The following SIM1 variants were observed in gnomAD, a reference collection of about 807,000 sequenced individuals.
The protein encoded by SIM1 is single-minded homolog 1.
In SIM1, 18 loss-of-function variants were observed where a neutral mutation model predicts 78.2. The observed-to-expected ratio is 0.23, with a 90% confidence interval of 0.16 to 0.34. The LOEUF is 0.34. Ranked by LOEUF, SIM1 falls within the 10% of genes least tolerant of loss-of-function variation. SIM1 has a pLI of 1.00. For synonymous variants in SIM1, 417 were observed against 385.2 expected, an observed-to-expected ratio of 1.08 and a Z score of -0.97; for missense variants, 939 against 975.1, an observed-to-expected ratio of 0.96 and a Z score of 0.49.
intron 9 of SIM1, among the ~76,000 whole-genome samples, chr6:100,429,256 G>T (rs537755606): frequency 6.6e-6 from 1 of 152,074 alleles, no homozygotes; most frequent in East Asian, 1.9e-4. Flanking sequence ...TGTAGTCCCA[G>T]CTACTTGAGG....
chr6:100,416,159 C>T (rs774996174), intron 10 of SIM1, among the ~76,000 whole-genome samples: 4 of 151,800 alleles, frequency 2.6e-5, no homozygotes, highest in Non-Finnish European at 4.4e-5. Context: ...TCTGACCTAA[C>T]TCAGCCAGAA....
At position 100,386,488 on chromosome 6, in the gene SIM1, C is replaced by T. The variant is rs913386042; in HGVS notation, c.*3873G>A. On this transcript the variant is annotated 3_prime_UTR_variant, in exon 12 of 12. Transcript: ENST00000369208. ...TCCATCAAACTTACTTGGTTTAGAT[C>T]TTGAGGGCGGAAATCTTGTATTTCA... The T allele has an allele frequency of 6.6e-6, 1 of 152,032 alleles. No homozygotes were observed. 9.4% of individuals were successfully genotyped at this position (152,032 alleles called of 1,614,324 possible).
At chr6:100,427,678 A>C (rs1323454929) in intron 9 of SIM1, among the ~76,000 whole-genome samples, 1 of 152,238 alleles carries the variant, frequency 6.6e-6, no homozygotes, top group East Asian at 1.9e-4. Flanking sequence ...AAACAAGTGG[A>C]AATATAGCTA....
rs537531610 is a variant in SIM1 at position 100,397,984 on chromosome 6, G to C, written c.1168-4095C>G. 7.9e-5 allele frequency among the ~76,000 whole-genome samples: 12 copies of C among 152,142 alleles called. No homozygotes were observed. The East Asian group carries it at 2.3e-3, about 29-fold the overall frequency. On this transcript the variant is annotated intron_variant, in intron 10 of 11. Coordinates refer to ENST00000369208, the MANE Select transcript of SIM1 (RefSeq NM_005068.3). Reference sequence around the variant, plus strand: ...TGAAATATCACGATACACCTATCAGGCTGGCTAAAATAAAAAATAATGACA... The same window carrying C: ...TGAAATATCACGATACACCTATCAGCCTGGCTAAAATAAAAAATAATGACA...
intron 10 of SIM1, among the ~76,000 whole-genome samples, chr6:100,394,839 C>T (rs888704090): frequency 2.6e-5 from 4 of 152,164 alleles, no homozygotes; most frequent in East Asian, 1.9e-4. Context: ...AGTTAATAAA[C>T]GCTTACCTAA....
At chr6:100,417,869 TTAAC>T (rs1562242206) in intron 10 of SIM1, among the ~76,000 whole-genome samples, 1 of 152,240 alleles carries the variant, frequency 6.6e-6, no homozygotes, top group Admixed American at 6.5e-5. Context: ...AAGAATAACT[TTAAC>T]TAGGTGCATA....
Position 100,393,847 on chromosome 6 carries a change from T to C in SIM1, c.1210A>G (p.Ser404Gly). Residue 404 changes from serine to glycine, a missense_variant, in exon 11 of 12, where the codon AGC becomes GGC. Ser to Gly is a moderately conservative substitution (Grantham distance 56). Transcript: ENST00000369208. ...HTERSESDHD[S>G]QWGGSPLTDT... The stretch of plus-strand genomic sequence containing the variant: ...GTCAAGGGACTTCCGCCCCACTGGC[T>C]GTCATGATCAGATTCCGATCTTTCT... The C allele has an allele frequency of 1.9e-6, 3 of 1,596,402 alleles. No individual in the cohort carries two copies. Among genetic ancestry groups the C allele is most frequent in the Non-Finnish European group, 2.6e-6 (3 of 1,168,910 alleles).
At chr6:100,412,691 G>GAAAGAAAGAA in intron 10 of SIM1, among the ~76,000 whole-genome samples, 1 of 52,606 alleles carries the variant, frequency 1.9e-5, no homozygotes, top group Non-Finnish European at 3.8e-5. Context: ...GAAAAAGAAA[G>GAAAGAAAGAA]AAAGAAAGAA....
At chr6:100,451,232 G>A (rs1373001343) in intron 3 of SIM1, among the ~76,000 whole-genome samples, 1 of 152,188 alleles carries the variant, frequency 6.6e-6, no homozygotes, top group Non-Finnish European at 1.5e-5. Context: ...GGACAATCAG[G>A]CCTTAGGGGA....
At chr6:100,433,448 T>C (rs1582303316) in intron 9 of SIM1, among the ~76,000 whole-genome samples, 1 of 152,210 alleles carries the variant, frequency 6.6e-6, no homozygotes, top group East Asian at 1.9e-4. Context: ...CCTTCATTTA[T>C]GAATCTTTAG....
chr6:100,448,101 G>T, intron 8 of SIM1, 45 bp downstream of exon 8: 1 of 1,490,476 alleles, frequency 6.7e-7, no homozygotes. Flanking sequence ...CCTAACCAGC[G>T]GATGCGCCAA....
Position 100,393,851 on chromosome 6 carries a change from A to C in SIM1, c.1206T>G (p.His402Gln). 1 of 1,595,340 alleles carries C rather than the reference A, an allele frequency of 6.3e-7. No homozygotes were observed. Among genetic ancestry groups the C allele is most frequent in the Non-Finnish European group, 8.6e-7 (1 of 1,168,364 alleles). Residue 402 changes from histidine to glutamine, a missense_variant, in exon 11 of 12, where the codon CAT becomes CAG. Physicochemically the swap from His to Gln is conservative, Grantham distance 24. Around this residue, in one of 5 missense-constraint regions of SIM1, gnomAD observed 556 missense variants for 521.9 expected, o/e 1.07. Transcript: ENST00000369208. ...AGGGACTTCCGCCCCACTGGCTGTC[A>C]TGATCAGATTCCGATCTTTCTGTGT... ...GFHTERSESD[H>Q]DSQWGGSPLT...
chr6:100,458,726 C>A (rs1009812475), intron 2 of SIM1, among the ~76,000 whole-genome samples: 1 of 151,868 alleles, frequency 6.6e-6, no homozygotes, highest in Admixed American at 6.5e-5. Context: ...ACGGGGACCT[C>A]GACATGATTG....
At chr6:100,420,039 G>A (rs142090591) in intron 10 of SIM1, among the ~76,000 whole-genome samples, 1 of 152,208 alleles carries the variant, frequency 6.6e-6, no homozygotes, top group African/African-American at 2.4e-5. Flanking sequence ...AAGGTTGGAG[G>A]TGAGGTGGCC....
In SIM1 at chr6:100,448,516, C is replaced by G; in HGVS notation, c.706G>C (p.Ala236Pro). ...AAGATGAGCTTCATGTCCAGGCTGG[C>G]GCGGAACATAAACATATTGCTGTGT... ...KLHSNMFMFR[A>P]SLDMKLIFLD... Residue 236 changes from alanine to proline, a missense_variant, in exon 7 of 12, where the codon GCC (alanine) becomes CCC (proline). Around this residue, in one of 5 missense-constraint regions of SIM1, gnomAD observed 187 missense variants for 191.6 expected, o/e 0.98. Transcript: ENST00000369208. 1 of 1,614,030 alleles carries G rather than the reference C, an allele frequency of 6.2e-7. No individual in the cohort carries two copies. Among genetic ancestry groups the G allele is most frequent in the Non-Finnish European group, 8.5e-7 (1 of 1,180,034 alleles).
chr6:100,400,895 A>T (rs553148494), intron 10 of SIM1, among the ~76,000 whole-genome samples: 1 of 152,236 alleles, frequency 6.6e-6, no homozygotes, highest in Admixed American at 6.5e-5. Context: ...ATCATGGATG[A>T]TAAATCTCGG....
intron 3 of SIM1, 119 bp downstream of exon 3, chr6:100,453,643 G>GA (rs2114547729): frequency 1.4e-6 from 1 of 739,948 alleles, no homozygotes; most frequent in Non-Finnish European, 2.1e-6. Context: ...CCCTGTTTTT[G>GA]TGGGGGGGGT....
chr6:100,419,397 A>T (rs1049121402), intron 10 of SIM1, among the ~76,000 whole-genome samples: 11 of 152,146 alleles, frequency 7.2e-5, no homozygotes, highest in Non-Finnish European at 1.5e-4. Flanking sequence ...ATCTTCATAC[A>T]ACAAGCCACT....
rs767869221 is a variant in SIM1, at chr6:100,448,623, G to A, written c.599C>T (p.Pro200Leu). The A allele has an allele frequency of 5.0e-6, 8 of 1,613,844 alleles. No individual in the cohort carries two copies. The highest frequency in any genetic ancestry group is 6.8e-6 in the Non-Finnish European group (8 of 1,180,036). Residue 200 changes from proline (P) to leucine (L), a missense_variant, in exon 7 of 12, where the codon CCC becomes CTC. Coordinates refer to ENST00000369208, the MANE Select transcript of SIM1 (RefSeq NM_005068.3). The part of the protein sequence containing the change: ...KIRQYSLDMS[P>L]FDGCYQNVGL... The stretch of plus-strand genomic sequence containing the variant: ...CACGTTTTGGTAGCAGCCGTCGAAG[G>A]GGGACATGTCCAGGCTGTACTGGCG...
Sources: allele counts gnomAD v4.1 joint callset (sites outside exome capture counted in the v4.1 genomes callset), GRCh38; gene constraint gnomAD v4.1.1; regional missense constraint gnomAD v4.1.1; transcripts MANE v1.5; gene names NCBI Gene and HGNC (gene_info 2026-07-23, HGNC 2026-07-21).